The following KCNIP4 variants were observed in gnomAD, a reference collection of about 807,000 sequenced individuals.
KCNIP4 encodes Kv channel-interacting protein 4.
A neutral mutation model predicts 34.0 loss-of-function variants in KCNIP4; 12 were observed. The ratio of observed to expected loss-of-function variants is 0.35; its 90% CI spans 0.23 to 0.57. The LOEUF is 0.57. Among genes scored for constraint, KCNIP4 ranks in the 20% least tolerant of loss-of-function variants. The pLI is 0.83. For synonymous variants in KCNIP4, 124 were observed against 102.2 expected, an observed-to-expected ratio of 1.21 and a Z score of -1.29; for missense variants, 238 against 311.7, an observed-to-expected ratio of 0.76 and a Z score of 1.78.
At position 20,731,858 on chromosome 4, in the gene KCNIP4, A is replaced by AGT. The variant is rs374303495; in HGVS notation, c.705+146_705+147dup. ...TTATGTAATTGGTGCTTGTTTTCAG[A>AGT]GTGGTAGGCTTATGCTGCATGTTGT... On this transcript the variant is annotated intron_variant, in intron 8 of 8. Coordinates refer to ENST00000382152, the MANE Select transcript of KCNIP4 (RefSeq NM_025221.6). 236 of 1,408,132 alleles carry AGT rather than the reference A, an allele frequency of 1.7e-4. 1 individual carries two copies. The highest frequency in any genetic ancestry group is 1.6e-3 in the Middle Eastern group (6 of 3,750). 87.2% of individuals were successfully genotyped at this position (1,408,132 alleles called of 1,614,324 possible). A position where few individuals can be genotyped will look rare whatever the true frequency, so the allele number is the denominator to read the frequency against.
chr4:21,393,505 A>T (rs1017654760), intron 1 of KCNIP4, among the ~76,000 whole-genome samples: 5 of 152,132 alleles, frequency 3.3e-5, no homozygotes, highest in Non-Finnish European at 7.3e-5. Flanking sequence ...GCAAGAAAGA[A>T]AGTCCCTTGT....
At chr4:21,006,014 T>C (rs1351102129) in intron 1 of KCNIP4, among the ~76,000 whole-genome samples, 1 of 152,114 alleles carries the variant, frequency 6.6e-6, no homozygotes, top group East Asian at 1.9e-4. Flanking sequence ...AGGAGAGCAA[T>C]AGAGAGCCTT....
chr4:21,123,007 A>G lies in KCNIP4; in HGVS notation c.62-240298T>C, dbSNP rs893805377. ...GGGCAGATCACAAGGTCAGGAGATC[A>G]AGACCATCCTGGCTAACATGGTGAA... On this transcript the variant is annotated intron_variant, in intron 1 of 8. Transcript: ENST00000382152. Among the ~76,000 whole-genome samples the G allele has an allele frequency of 3.3e-5, 5 of 152,074 alleles. No individual in the cohort carries two copies. In the South Asian group the frequency reaches 6.2e-4, roughly 19 times the overall value.
At chr4:20,929,998 A>T (rs7678620) in intron 1 of KCNIP4, among the ~76,000 whole-genome samples, 20,513 of 151,968 alleles carry the variant, frequency 0.13, 1,944 homozygotes, top group African/African-American at 0.28. Context: ...AAGGATATGC[A>T]TCACAGAAAT....
intron 6 of KCNIP4, among the ~76,000 whole-genome samples, chr4:20,734,371 T>G (rs1367722834): frequency 6.6e-6 from 1 of 152,220 alleles, no homozygotes; most frequent in Non-Finnish European, 1.5e-5. Context: ...AACCATGATC[T>G]TTATTCCATT....
intron 1 of KCNIP4, among the ~76,000 whole-genome samples, chr4:21,404,415 G>A (rs570057692): frequency 3.9e-5 from 6 of 152,154 alleles, no homozygotes; most frequent in Non-Finnish European, 7.4e-5. Context: ...ATGGTTGAAT[G>A]CATCTCCATC....
intron 1 of KCNIP4, among the ~76,000 whole-genome samples, chr4:21,349,993 C>A (rs879568715): frequency 2.0e-5 from 3 of 152,076 alleles, no homozygotes; most frequent in Admixed American, 6.5e-5. Flanking sequence ...ATGAGCAATG[C>A]CCAGCCAGCT....
chr4:21,630,774 T>A (rs1181010733), intron 1 of KCNIP4, among the ~76,000 whole-genome samples: 1 of 152,208 alleles, frequency 6.6e-6, no homozygotes, highest in Non-Finnish European at 1.5e-5. Flanking sequence ...AGTTGTTTCC[T>A]TAATAGCCTC....
At chr4:21,185,815 C>T (rs899814161) in intron 1 of KCNIP4, among the ~76,000 whole-genome samples, 6 of 152,266 alleles carry the variant, frequency 3.9e-5, no homozygotes, top group African/African-American at 1.4e-4. Context: ...TCACATGAGG[C>T]ATCTACTGTA....
At chr4:20,887,020 G>A (rs951981361) in intron 1 of KCNIP4, among the ~76,000 whole-genome samples, 9 of 151,984 alleles carry the variant, frequency 5.9e-5, no homozygotes, top group Admixed American at 1.3e-4. Context: ...TGACGTTAAA[G>A]ATAGTCATAA....
chr4:21,922,545 CTTTA>C (rs1728994464), intron 1 of KCNIP4, among the ~76,000 whole-genome samples: 1 of 152,066 alleles, frequency 6.6e-6, no homozygotes, highest in Admixed American at 6.6e-5. Context: ...GGAGCTAATT[CTTTA>C]TTCATTCAAT....
At chr4:21,081,591 C>T (rs1397487058) in intron 1 of KCNIP4, among the ~76,000 whole-genome samples, 1 of 151,716 alleles carries the variant, frequency 6.6e-6, no homozygotes, top group Non-Finnish European at 1.5e-5. Flanking sequence ...ACTATGCAAT[C>T]ATTTATTTAT....
chr4:21,387,883 G>A (rs1191823465), intron 1 of KCNIP4, among the ~76,000 whole-genome samples: 2 of 152,150 alleles, frequency 1.3e-5, no homozygotes, highest in Admixed American at 1.3e-4. Flanking sequence ...GACAGGTGTG[G>A]TGCTAAGCAG....
intron 1 of KCNIP4, among the ~76,000 whole-genome samples, chr4:21,933,675 T>C (rs1729698389): frequency 6.6e-6 from 1 of 152,088 alleles, no homozygotes; most frequent in African/African-American, 2.4e-5. Context: ...AAGTGATAAA[T>C]AAATGTGTTC....
Position 20,877,351 on chromosome 4 carries a change from C to A in KCNIP4, c.163+5257G>T, listed in dbSNP as rs115516670. 9.6e-3 allele frequency among the ~76,000 whole-genome samples: 1,458 copies of A among 152,272 alleles called. 30 individuals carry two copies. The highest frequency in any genetic ancestry group is 0.034 in the African/African-American group (1,396 of 41,552). The stretch of plus-strand genomic sequence containing the variant: ...TTGGCTCAATAAACCCTGCGCATAC[C>A]TTTGCAAATTGTCCCTTCATTCAAC... On this transcript the variant is annotated intron_variant, in intron 2 of 8. Coordinates refer to ENST00000382152, the MANE Select transcript of KCNIP4 (RefSeq NM_025221.6).
chr4:21,785,591 C>CAATAAATAAATAAATA (rs60265932), intron 1 of KCNIP4, among the ~76,000 whole-genome samples: 3 of 146,078 alleles, frequency 2.1e-5, no homozygotes, highest in Admixed American at 6.8e-5. Flanking sequence ...GATTCCATCT[C>CAATAAATAAATAAATA]AATAAATAAA....
chr4:20,841,189 A>G (rs545451395), intron 3 of KCNIP4, among the ~76,000 whole-genome samples: 1 of 152,318 alleles, frequency 6.6e-6, no homozygotes, highest in East Asian at 1.9e-4. Flanking sequence ...ACTAAAAAGA[A>G]GAAAGTGAGA....
At position 21,034,501 on chromosome 4, in the gene KCNIP4, C is replaced by T. The variant is rs191595120; in HGVS notation, c.62-151792G>A. ...AGCTTCAGCCAAGATCTCTAATGCCCTATGACTGGGGCACCCTTGTCTTTT... is the reference window on the plus strand; with the variant it reads ...AGCTTCAGCCAAGATCTCTAATGCCTTATGACTGGGGCACCCTTGTCTTTT... On this transcript the variant is annotated intron_variant, in intron 1 of 8. Transcript: ENST00000382152. Among the ~76,000 whole-genome samples, 184 of 152,292 alleles carry T rather than the reference C, an allele frequency of 1.2e-3. 1 individual carries two copies. Among genetic ancestry groups the T allele is most frequent in the Non-Finnish European group, 1.7e-3 (119 of 68,024 alleles).
intron 1 of KCNIP4, among the ~76,000 whole-genome samples, chr4:21,060,473 A>T (rs1373223917): frequency 6.6e-6 from 1 of 152,186 alleles, no homozygotes; most frequent in African/African-American, 2.4e-5. Context: ...AGGCCATTGC[A>T]TTCCTCAGTT....
Sources: gnomAD v4.1 joint callset for allele counts (sites outside exome capture counted in the v4.1 genomes callset) on GRCh38, gnomAD v4.1.1 for gene constraint, MANE v1.5 for transcripts, NCBI Gene and HGNC (gene_info 2026-07-23, HGNC 2026-07-21) for gene names.